ARB2A: variants seen among roughly 807,000 people sequenced by gnomAD.
The protein encoded by ARB2A is cotranscriptional regulator ARB2A.
the ARB2A span, among the ~76,000 whole-genome samples, chr5:94,047,069 G>C: frequency 1.3e-5 from 2 of 152,040 alleles, no homozygotes; most frequent in Non-Finnish European, 1.5e-5. Flanking sequence ...CAATTCCTGG[G>C]TCTTTTTGTT....
the ARB2A span, among the ~76,000 whole-genome samples, chr5:93,979,420 A>T: frequency 6.6e-6 from 1 of 152,144 alleles, no homozygotes; most frequent in Admixed American, 6.5e-5. Context: ...TAGGCAGGTG[A>T]AACCTATATA....
chr5:94,018,257 T>C, the ARB2A span, among the ~76,000 whole-genome samples: 6 of 152,172 alleles, frequency 3.9e-5, no homozygotes, highest in Non-Finnish European at 2.9e-5. Context: ...ACAAAGACTA[T>C]AACAATCTAA....
chr5:94,005,848 G>A, the ARB2A span, among the ~76,000 whole-genome samples: 5 of 151,986 alleles, frequency 3.3e-5, no homozygotes, highest in Admixed American at 6.6e-5. Context: ...CTACACATTC[G>A]TCAAAATGAC....
At chr5:94,000,265 T>C in the ARB2A span, among the ~76,000 whole-genome samples, 2 of 152,086 alleles carry the variant, frequency 1.3e-5, no homozygotes, top group African/African-American at 2.4e-5. Flanking sequence ...CTGAAACATT[T>C]TGCATTCTTA....
the ARB2A span, among the ~76,000 whole-genome samples, chr5:93,826,460 T>C: frequency 2.0e-5 from 3 of 152,172 alleles, no homozygotes; most frequent in Admixed American, 6.6e-5. Flanking sequence ...TTAATGGTCA[T>C]TTCCTTCTGT....
the ARB2A span, among the ~76,000 whole-genome samples, chr5:94,058,338 AT>A: frequency 6.6e-6 from 1 of 152,212 alleles, no homozygotes; most frequent in South Asian, 2.1e-4. Context: ...AATGTCTGGT[AT>A]CTATGAAAAA....
chr5:93,892,594 G>A, the ARB2A span, among the ~76,000 whole-genome samples: 4 of 151,968 alleles, frequency 2.6e-5, no homozygotes, highest in East Asian at 1.9e-4. Flanking sequence ...CTGGGGGGGG[G>A]AAAACCACAC....
the ARB2A span, among the ~76,000 whole-genome samples, chr5:94,096,133 C>A: frequency 6.6e-6 from 1 of 152,178 alleles, no homozygotes; most frequent in Admixed American, 6.5e-5. Context: ...ATTCCAGAGT[C>A]ATTTCCATAG....
the ARB2A span, chr5:93,741,128 C>T: frequency 3.7e-6 from 6 of 1,613,864 alleles, no homozygotes; most frequent in Admixed American, 5.0e-5. Flanking sequence ...ATCCCCACAT[C>T]GGCCTGCGAG....
the ARB2A span, among the ~76,000 whole-genome samples, chr5:93,999,919 C>T: frequency 2.6e-5 from 4 of 152,068 alleles, no homozygotes; most frequent in African/African-American, 7.2e-5. Flanking sequence ...AGTAGGTAGC[C>T]TGTTCAATTT....
chr5:93,797,833 A>T, the ARB2A span, among the ~76,000 whole-genome samples: 1 of 152,218 alleles, frequency 6.6e-6, no homozygotes, highest in Admixed American at 6.5e-5. Context: ...TTTTCAGAAA[A>T]ATTTTACTGA....
chr5:94,061,466 C>A, the ARB2A span, among the ~76,000 whole-genome samples: 1 of 152,040 alleles, frequency 6.6e-6, no homozygotes, highest in Non-Finnish European at 1.5e-5. Flanking sequence ...CAACACAGGC[C>A]ACAAAGAAAA....
chr5:93,690,590 A>T, the ARB2A span, among the ~76,000 whole-genome samples: 1 of 152,086 alleles, frequency 6.6e-6, no homozygotes, highest in Non-Finnish European at 1.5e-5. Flanking sequence ...TCTCCCTGGG[A>T]CATAGCACCT....
At chr5:93,741,822 C>T in the ARB2A span, 1 of 433,780 alleles carries the variant, frequency 2.3e-6, no homozygotes, top group African/African-American at 2.0e-5. Flanking sequence ...ATTTGCATCT[C>T]CAAGCTGTCT....
At chr5:94,098,022 C>T in the ARB2A span, among the ~76,000 whole-genome samples, 51 of 152,186 alleles carry the variant, frequency 3.4e-4, no homozygotes, top group Non-Finnish European at 6.9e-4. Context: ...GAGAACAAAG[C>T]TGTGAGCCTG....
chr5:94,067,291 T>G, the ARB2A span, among the ~76,000 whole-genome samples: 7 of 152,198 alleles, frequency 4.6e-5, no homozygotes, highest in South Asian at 1.4e-3. Flanking sequence ...AACACAAGGA[T>G]GCCCACTTTC....
At chr5:93,838,219 C>T in the ARB2A span, among the ~76,000 whole-genome samples, 1,499 of 152,240 alleles carry the variant, frequency 9.8e-3, 24 homozygotes, top group African/African-American at 0.035. Flanking sequence ...CTGCATATGG[C>T]TAGCTAGTTA....
chr5:93,963,477 T>C, the ARB2A span, among the ~76,000 whole-genome samples: 15 of 152,094 alleles, frequency 9.9e-5, no homozygotes, highest in Admixed American at 8.5e-4. Context: ...ACTAATAATG[T>C]GATCTTGCAC....
At chr5:93,632,012 C>G in the ARB2A span, among the ~76,000 whole-genome samples, 7 of 152,064 alleles carry the variant, frequency 4.6e-5, no homozygotes, top group Non-Finnish European at 7.4e-5. Context: ...CTCAGAATTC[C>G]TGTGATTGAC....
Sources: allele counts gnomAD v4.1 joint callset (sites outside exome capture counted in the v4.1 genomes callset), GRCh38; gene constraint gnomAD v4.1.1; transcripts MANE v1.5; gene names NCBI Gene and HGNC (gene_info 2026-07-23, HGNC 2026-07-21).